Variants in MTMR12 observed in about 807,000 individuals in gnomAD.
MTMR12 encodes myotubularin related protein 12, also known as myotubularin-related protein 12.
MTMR12 carries 33 observed loss-of-function variants against 96.7 expected under a neutral mutation model. The ratio of observed to expected loss-of-function variants is 0.34; its 90% confidence interval spans 0.26 to 0.46. The LOEUF (loss-of-function observed/expected upper bound fraction) is 0.46, where lower values mean the gene tolerates loss of function less well. Ranked by LOEUF, MTMR12 falls within the 20% of genes least tolerant of loss-of-function variation. The pLI is 1.00. For missense variants in MTMR12, 721 were observed against 896.1 expected (o/e 0.80, Z 2.49); for synonymous variants, 298 against 327.2 (o/e 0.91, Z 0.96).
At chr5:32,243,275 A>G (rs1334138236) in intron 11 of MTMR12, among the ~76,000 whole-genome samples, 3 of 152,092 alleles carry the variant, frequency 2.0e-5, no homozygotes, top group South Asian at 2.1e-4. Context: ...GGGTTGTCAC[A>G]CTCTTTCTGT....
chr5:32,242,319 C>A (rs1008784353), intron 11 of MTMR12, among the ~76,000 whole-genome samples, 192 bp from the exon 12 acceptor site: 13 of 151,908 alleles, frequency 8.6e-5, no homozygotes, highest in African/African-American at 2.7e-4. Flanking sequence ...TATTCCTGCC[C>A]ATTAGAAACT....
intron 7 of MTMR12, among the ~76,000 whole-genome samples, chr5:32,260,329 C>T (rs755277617): frequency 6.6e-6 from 1 of 151,524 alleles, no homozygotes; most frequent in Non-Finnish European, 1.5e-5. Context: ...GCTTGGCATG[C>T]GACATGGAGA....
chr5:32,262,401 A>C lies in MTMR12; in HGVS notation c.713+712T>G, dbSNP rs556928766. The stretch of plus-strand genomic sequence containing the variant: ...GGATCGCTTGAGCCCAGGAGTTCAA[A>C]ACCAGCCTGGGCAACATGGTGAAAC... On this transcript the variant is annotated intron_variant, in intron 7 of 15. Coordinates refer to ENST00000382142, the MANE Select transcript of MTMR12 (RefSeq NM_001040446.3). 2.6e-5 allele frequency among the ~76,000 whole-genome samples: 4 copies of C among 152,180 alleles called. No homozygotes were observed. The East Asian group carries it at 7.7e-4, about 29-fold the overall frequency.
intron 1 of MTMR12, among the ~76,000 whole-genome samples, chr5:32,292,894 G>A (rs902855527): frequency 6.6e-5 from 10 of 152,174 alleles, no homozygotes. Flanking sequence ...ATTGTCATGA[G>A]TATTTCCTCC....
intron 10 of MTMR12, among the ~76,000 whole-genome samples, chr5:32,245,011 AAT>A (rs1748625634): frequency 6.6e-6 from 1 of 152,264 alleles, no homozygotes; most frequent in Middle Eastern, 3.4e-3. Flanking sequence ...GAAAAAAAAA[AAT>A]GTGTTCCCTT....
chr5:32,242,537 T>C (rs1298329133), intron 11 of MTMR12, among the ~76,000 whole-genome samples: 4 of 152,144 alleles, frequency 2.6e-5, no homozygotes, highest in Non-Finnish European at 4.4e-5. Context: ...AGCTCCAATA[T>C]GCTCAGAAAT....
intron 1 of MTMR12, among the ~76,000 whole-genome samples, chr5:32,307,824 A>G (rs1751417316): frequency 6.6e-6 from 1 of 152,246 alleles, no homozygotes; most frequent in South Asian, 2.1e-4. Context: ...TTTCCACCAC[A>G]AAGTGCTGAC....
At chr5:32,258,205 C>T (rs895289419) in intron 7 of MTMR12, among the ~76,000 whole-genome samples, 5 of 152,116 alleles carry the variant, frequency 3.3e-5, no homozygotes, top group African/African-American at 9.6e-5. Context: ...GATAGAAAAC[C>T]AGGTTTGGAA....
At chr5:32,264,823 C>G (rs1749530146) in intron 6 of MTMR12, among the ~76,000 whole-genome samples, 1 of 152,100 alleles carries the variant, frequency 6.6e-6, no homozygotes, top group Non-Finnish European at 1.5e-5. Flanking sequence ...TAGGTAAGAT[C>G]ATTTCCTCCA....
intron 13 of MTMR12, among the ~76,000 whole-genome samples, chr5:32,236,257 A>G (rs1748223255): frequency 6.6e-6 from 1 of 152,104 alleles, no homozygotes; most frequent in African/African-American, 2.4e-5. Context: ...AAGATATACA[A>G]AAACATATGG....
intron 7 of MTMR12, among the ~76,000 whole-genome samples, chr5:32,258,018 T>C (rs919443083): frequency 2.0e-5 from 3 of 152,078 alleles, no homozygotes; most frequent in East Asian, 3.9e-4. Context: ...TCCCAGCTAC[T>C]CAGGAGACTG....
At chr5:32,242,723 C>T (rs1444302988) in intron 11 of MTMR12, among the ~76,000 whole-genome samples, 1 of 151,856 alleles carries the variant, frequency 6.6e-6, no homozygotes, top group Non-Finnish European at 1.5e-5. Flanking sequence ...GCTAGAGATG[C>T]TCACCCTTCT....
At chr5:32,273,380 A>C (rs560248432) in intron 3 of MTMR12, among the ~76,000 whole-genome samples, 62 of 152,326 alleles carry the variant, frequency 4.1e-4, no homozygotes, top group Middle Eastern at 3.4e-3. Context: ...TGTCTCAAAA[A>C]CAATTAAAAA....
intron 1 of MTMR12, among the ~76,000 whole-genome samples, chr5:32,284,377 A>G (rs952278812): frequency 6.6e-6 from 1 of 152,040 alleles, no homozygotes; most frequent in Non-Finnish European, 1.5e-5. Context: ...AGCCACTAAT[A>G]TGGATGGCAT....
chr5:32,282,729 T>G (rs1750352697), intron 1 of MTMR12, among the ~76,000 whole-genome samples: 1 of 152,114 alleles, frequency 6.6e-6, no homozygotes, highest in Non-Finnish European at 1.5e-5. Flanking sequence ...TAAGTTTAAT[T>G]GGAGTTTTTC....
At chr5:32,256,516 G>C (rs2112041656) in intron 7 of MTMR12, among the ~76,000 whole-genome samples, 1 of 152,292 alleles carries the variant, frequency 6.6e-6, no homozygotes, top group South Asian at 2.1e-4. Flanking sequence ...AACTTGTTAA[G>C]TAGTAGGACA....
chr5:32,266,711 A>AC (rs1472645293), intron 6 of MTMR12, among the ~76,000 whole-genome samples: 2 of 149,856 alleles, frequency 1.3e-5, no homozygotes, highest in East Asian at 3.9e-4. Context: ...ACCAACAACA[A>AC]CAAAAAAAAA....
chr5:32,236,887 G>A (rs1379231889), intron 13 of MTMR12, among the ~76,000 whole-genome samples: 2 of 151,490 alleles, frequency 1.3e-5, no homozygotes, highest in East Asian at 1.9e-4. Context: ...AACCATACTC[G>A]TCTCCACAAA....
chr5:32,231,973 G>T (rs568257054), intron 15 of MTMR12, among the ~76,000 whole-genome samples: 3 of 152,360 alleles, frequency 2.0e-5, no homozygotes, highest in Admixed American at 6.5e-5. Context: ...CTGCTGCTCA[G>T]TGCCAAAGGT....
Sources: gnomAD v4.1 joint callset for allele counts (sites outside exome capture counted in the v4.1 genomes callset) on GRCh38, gnomAD v4.1.1 for gene constraint, MANE v1.5 for transcripts, NCBI Gene and HGNC (gene_info 2026-07-23, HGNC 2026-07-21) for gene names.